ACSF2: variants seen among roughly 807,000 people sequenced by gnomAD.
ACSF2 encodes medium-chain acyl-CoA ligase ACSF2, mitochondrial.
A neutral mutation model predicts 79.3 loss-of-function variants in ACSF2; 52 were observed. That is an observed-to-expected ratio of 0.66 (90% CI 0.53 to 0.83). The LOEUF (loss-of-function observed/expected upper bound fraction) is 0.83. Ranked by LOEUF, ACSF2 falls within the 40% of genes least tolerant of loss-of-function variation. The pLI is 0.00. For synonymous variants in ACSF2, 283 were observed against 312.6 expected, an observed-to-expected ratio of 0.91 and a Z score of 1.00; for missense variants, 661 against 803.3, an observed-to-expected ratio of 0.82 and a Z score of 2.14.
At chr17:50,465,132 C>T (rs374396819) in intron 10 of ACSF2, 79 of 746,892 alleles carry the variant, frequency 1.1e-4, no homozygotes, top group Non-Finnish European at 1.6e-4. Context: ...TGGGCAGGAC[C>T]TTTTCCTCCC....
At chr17:50,461,147 G>A (rs1234429672) in intron 2 of ACSF2, 95 bp from the exon 3 acceptor site, 24 of 1,564,236 alleles carry the variant, frequency 1.5e-5, no homozygotes, top group Non-Finnish European at 2.1e-5. Context: ...CCCAGTGACT[G>A]TGATGAGAAC....
intron 6 of ACSF2, 187 bp downstream of exon 6, chr17:50,462,772 C>T: frequency 1.4e-6 from 1 of 691,740 alleles, no homozygotes; most frequent in Non-Finnish European, 2.4e-6. Flanking sequence ...CTCCCCTAGC[C>T]CCCCGCCCTC....
intron 10 of ACSF2, chr17:50,468,446 G>C (rs1287589181): frequency 2.5e-6 from 4 of 1,613,992 alleles, no homozygotes; most frequent in African/African-American, 2.7e-5. Flanking sequence ...GGTCAGCTCG[G>C]TCAGGTCGTC....
chr17:50,472,859 T>G, intron 12 of ACSF2: 1 of 337,964 alleles, frequency 3.0e-6, no homozygotes, highest in Non-Finnish European at 5.3e-6. Flanking sequence ...GAATTCCTTA[T>G]GTGCTAGCAC....
chr17:50,468,813 TG>T (rs758916582), intron 10 of ACSF2: 26 of 1,524,462 alleles, frequency 1.7e-5, no homozygotes, highest in Non-Finnish European at 2.0e-5. Context: ...GGGCGGACCA[TG>T]GCTGGGACGC....
chr17:50,457,268 T>C (rs2032070134), intron 1 of ACSF2, among the ~76,000 whole-genome samples: 1 of 152,188 alleles, frequency 6.6e-6, no homozygotes, highest in South Asian at 2.1e-4. Context: ...CTTCCAGACC[T>C]TCCAGGCCAT....
intron 1 of ACSF2, among the ~76,000 whole-genome samples, chr17:50,459,023 C>T (rs546499318): frequency 9.8e-5 from 15 of 152,340 alleles, no homozygotes; most frequent in East Asian, 1.9e-4. Flanking sequence ...TTGGCACATA[C>T]GGGTGCTCAC....
intron 1 of ACSF2, among the ~76,000 whole-genome samples, chr17:50,440,940 G>T (rs2030860110): frequency 6.6e-6 from 1 of 152,248 alleles, no homozygotes; most frequent in African/African-American, 2.4e-5. Context: ...GTGTGCTCAA[G>T]GACTGCCAAG....
Position 50,468,066 on chromosome 17 carries a change from A to G in ACSF2, c.1216-2962A>G, listed in dbSNP as rs771887955. The G allele has an allele frequency of 3.7e-6, 6 of 1,605,460 alleles. No homozygotes were observed. In the Admixed American group the frequency reaches 8.4e-5, roughly 22 times the overall value. On this transcript the variant is annotated intron_variant, in intron 10 of 15. Coordinates refer to ENST00000300441, the MANE Select transcript of ACSF2 (RefSeq NM_025149.6). ...TTCTCCAGGTTGGTGTTGTCCAGCC[A>G]GAGGGTCTCCAGGTATCTGCCAAAG... is the stretch of plus-strand genomic sequence containing the variant.
rs756870862 is a variant in ACSF2 at position 50,462,490 on chromosome 17, G to A, written c.697G>A (p.Val233Met). 7 of 1,613,846 alleles carry A rather than the reference G, an allele frequency of 4.3e-6. No individual in the cohort carries two copies. The Admixed American group carries it at 6.7e-5, about 15-fold the overall frequency. Reference sequence around the variant, plus strand: ...GGGGACCCTGCTCCTGGATGAAGTGGTGGCGGCTGGCAGCACACGGCAGCA... The same window carrying A: ...GGGGACCCTGCTCCTGGATGAAGTGATGGCGGCTGGCAGCACACGGCAGCA... Reference protein sequence around the residue: ...LPGTLLLDEVVAAGSTRQHLD... With the variant: ...LPGTLLLDEVMAAGSTRQHLD... The change falls in exon 6 of 16, where the codon GTG (valine) becomes ATG (methionine). Residue 233 changes from valine to methionine, a missense_variant. Coordinates refer to ENST00000300441, the MANE Select transcript of ACSF2 (RefSeq NM_025149.6).
At chr17:50,468,889 G>A in intron 10 of ACSF2, 2 of 1,434,900 alleles carry the variant, frequency 1.4e-6, no homozygotes, top group Middle Eastern at 2.6e-4. Context: ...CTAGGCGCTC[G>A]GGTCTGCCGC....
chr17:50,436,037 T>G (rs2030380561), intron 1 of ACSF2, among the ~76,000 whole-genome samples: 1 of 152,194 alleles, frequency 6.6e-6, no homozygotes, highest in African/African-American at 2.4e-5. Context: ...TTTTTTACAC[T>G]TAAGTCTGAT....
chr17:50,434,083 G>A (rs8082620), intron 1 of ACSF2, among the ~76,000 whole-genome samples: 1 of 151,914 alleles, frequency 6.6e-6, no homozygotes, highest in African/African-American at 2.4e-5. Flanking sequence ...GGAGGCTGAG[G>A]TGGGAGGATC....
At chr17:50,468,900 C>G (rs1339985343) in intron 10 of ACSF2, 28 of 1,427,608 alleles carry the variant, frequency 2.0e-5, no homozygotes, top group Non-Finnish European at 2.5e-5. Flanking sequence ...GGTCTGCCGC[C>G]CTCTTTATAC....
At chr17:50,465,584 C>T in intron 10 of ACSF2, 1 of 1,468,488 alleles carries the variant, frequency 6.8e-7, no homozygotes, top group Non-Finnish European at 9.3e-7. Flanking sequence ...AACTGAGGCT[C>T]CCAGGGTCCC....
In ACSF2 at chr17:50,461,346, C is replaced by T. The variant is rs768883315; in HGVS notation, c.429C>T (p.Ala143=). The change falls in exon 3 of 16, where the codon GCC becomes GCT. Residue 143 remains alanine, a synonymous_variant. Transcript: ENST00000300441. ...ATGCATGGGTGCTCATGCAGTTGGC[C>T]ACCGCCCAGGCGGGCATCATTCTGG... ...NSYAWVLMQL[A]TAQAGIILVS... 3 of 1,613,984 alleles carry T rather than the reference C, an allele frequency of 1.9e-6. No individual in the cohort carries two copies. In the Admixed American group the frequency reaches 5.0e-5, roughly 27 times the overall value.
Position 50,471,004 on chromosome 17 carries a change from A to G in ACSF2, c.1216-24A>G, listed in dbSNP as rs552920194. On this transcript the variant is annotated intron_variant, in intron 10 of 15. Transcript: ENST00000300441. This position sits in a 1 kb window ranked among gnomAD's most constrained non-coding sequence, Gnocchi z 4.1. ...CCTCTGCACGTGCTGAGCCCTCTTC[A>G]AACACCCTTTCTGGACCCTCTAGGT... 1.2e-5 allele frequency: 19 copies of G among 1,595,152 alleles called. No individual in the cohort carries two copies. The South Asian group carries it at 2.0e-4, about 17-fold the overall frequency.
chr17:50,466,368 C>A (rs1317693398), intron 10 of ACSF2, among the ~76,000 whole-genome samples: 1 of 152,140 alleles, frequency 6.6e-6, no homozygotes, highest in Non-Finnish European at 1.5e-5. Flanking sequence ...GGATTACAGG[C>A]GTGAGCCACC....
chr17:50,429,555 G>A (rs1348896313), intron 1 of ACSF2, among the ~76,000 whole-genome samples: 1 of 148,054 alleles, frequency 6.8e-6, no homozygotes, highest in Non-Finnish European at 1.5e-5. Context: ...TTTCGCTCTT[G>A]TTGCCCCAGG....
Sources: gnomAD v4.1 joint callset for allele counts (sites outside exome capture counted in the v4.1 genomes callset) on GRCh38, gnomAD v4.1.1 for gene constraint, Gnocchi (gnomAD v3.1) non-coding constraint, MANE v1.5 for transcripts, NCBI Gene and HGNC (gene_info 2026-07-23, HGNC 2026-07-21) for gene names.